Variants in MED1 observed in about 807,000 individuals in gnomAD.
MED1 encodes the protein mediator complex subunit 1.
MED1 carries 17 observed loss-of-function variants against 121.3 expected under a neutral mutation model. The ratio of observed to expected loss-of-function variants is 0.14; its 90% CI spans 0.10 to 0.21. The LOEUF (loss-of-function observed/expected upper bound fraction) is 0.21. Ranked by LOEUF, MED1 falls within the 10% of genes least tolerant of loss-of-function variation. MED1 has a pLI of 1.00. For missense variants in MED1, 1,558 were observed against 1,919.4 expected, an observed-to-expected ratio of 0.81 and a Z score of 3.52; for synonymous variants, 661 against 694.4, an observed-to-expected ratio of 0.95 and a Z score of 0.76.
chr17:39,431,875 T>C (rs2048568002), intron 8 of MED1, 67 bp downstream of exon 8: 2 of 1,107,570 alleles, frequency 1.8e-6, no homozygotes, highest in Non-Finnish European at 1.4e-6. Context: ...ATGTATAAAA[T>C]AGGACCCTAA....
At chr17:39,442,979 A>T (rs2048693626) in intron 3 of MED1, among the ~76,000 whole-genome samples, 1 of 150,130 alleles carries the variant, frequency 6.7e-6, no homozygotes, top group Non-Finnish European at 1.5e-5. Flanking sequence ...AAGGGAAAAA[A>T]AACTTTTCCC....
chr17:39,405,693 C>T lies in MED1; in HGVS notation c.*1782G>A. ...CCACTTTACAATGTTTTGTTTCCTA[C>T]ATCTTATTACCTTGGGACACAAAAG... On this transcript the variant is annotated 3_prime_UTR_variant, in exon 17 of 17. Transcript: ENST00000300651. 2 of 1,000,342 alleles carry T rather than the reference C, an allele frequency of 2.0e-6. No individual in the cohort carries two copies. The highest frequency in any genetic ancestry group is 2.4e-6 in the Non-Finnish European group (2 of 839,394). 62.0% of individuals were successfully genotyped at this position (1,000,342 alleles called of 1,614,324 possible).
chr17:39,450,935 A>G (rs2144782534), intron 1 of MED1, 103 bp downstream of exon 1: 1 of 952,652 alleles, frequency 1.0e-6, no homozygotes, highest in Non-Finnish European at 1.6e-6. Context: ...CCTGGACTCT[A>G]TGCCCCTAAA....
At chr17:39,450,902 TA>T in intron 1 of MED1, 135 bp downstream of exon 1, 2 of 692,388 alleles carry the variant, frequency 2.9e-6, no homozygotes, top group South Asian at 2.1e-5. Flanking sequence ...AGTGACAATC[TA>T]AAACTAATAC....
At chr17:39,424,572 A>C in intron 11 of MED1, 55 bp downstream of exon 11, 2 of 1,182,872 alleles carry the variant, frequency 1.7e-6, no homozygotes, top group Non-Finnish European at 2.5e-6. Flanking sequence ...AACTTGTTAC[A>C]TACTGCGCTT....
intron 7 of MED1, among the ~76,000 whole-genome samples, chr17:39,433,699 A>G (rs1301361727): frequency 6.6e-6 from 1 of 151,836 alleles, no homozygotes; most frequent in African/African-American, 2.4e-5. Context: ...GACTACATGC[A>G]CCCATCACCA....
intron 16 of MED1, among the ~76,000 whole-genome samples, chr17:39,412,961 T>A (rs868658092): frequency 6.6e-6 from 1 of 152,194 alleles, no homozygotes; most frequent in Non-Finnish European, 1.5e-5. Context: ...AGTGTTCCAA[T>A]AAAATTTATT....
At chr17:39,420,197 CTTTTTTTT>C (rs751616356) in intron 13 of MED1, among the ~76,000 whole-genome samples, 4 of 132,700 alleles carry the variant, frequency 3.0e-5, no homozygotes, top group Admixed American at 2.3e-4. Context: ...TGCAAAATCT[CTTTTTTTT>C]TTTTTTTTTT....
intron 2 of MED1, among the ~76,000 whole-genome samples, chr17:39,447,402 A>AG (rs1389197098): frequency 6.6e-6 from 1 of 151,614 alleles, no homozygotes; most frequent in Non-Finnish European, 1.5e-5. Context: ...AATAAAAAAA[A>AG]AAAACAAAAA....
intron 11 of MED1, 24 bp from the exon 12 acceptor site, chr17:39,423,845 G>A: frequency 6.3e-7 from 1 of 1,581,582 alleles, no homozygotes; most frequent in South Asian, 1.2e-5. Context: ...AGGGTGGAAG[G>A]GTTGGATTCT....
chr17:39,450,112 C>T (rs1039014525), intron 1 of MED1, among the ~76,000 whole-genome samples: 12 of 102,734 alleles, frequency 1.2e-4, no homozygotes, highest in African/African-American at 2.9e-4. Context: ...CAGTGCCCGG[C>T]AATTTTTTTA....
chr17:39,417,355 G>A (rs561936464), intron 14 of MED1, among the ~76,000 whole-genome samples: 30 of 147,644 alleles, frequency 2.0e-4, no homozygotes, highest in South Asian at 1.9e-3. Context: ...AAGGCCAGGC[G>A]TGGTGGCTCA....
At chr17:39,442,353 T>C (rs896389757) in intron 3 of MED1, among the ~76,000 whole-genome samples, 2 of 151,810 alleles carry the variant, frequency 1.3e-5, no homozygotes, top group African/African-American at 4.8e-5. Context: ...ATCCCAGCAA[T>C]TTGGGAGGCC....
At chr17:39,413,277 T>C (rs2048373785) in intron 16 of MED1, among the ~76,000 whole-genome samples, 1 of 152,106 alleles carries the variant, frequency 6.6e-6, no homozygotes, top group South Asian at 2.1e-4. Context: ...AGTTTGTTTG[T>C]TTTGAGACAG....
chr17:39,439,477 A>C (rs934340622), intron 5 of MED1, among the ~76,000 whole-genome samples: 5 of 152,218 alleles, frequency 3.3e-5, no homozygotes, highest in African/African-American at 9.6e-5. Context: ...CATGGAATTC[A>C]TATCAAATTA....
rs1337997172 is a variant in MED1, at chr17:39,404,336, T to G, written c.*3139A>C. The G allele has an allele frequency of 6.6e-6, 1 of 152,302 alleles. No individual in the cohort carries two copies. The highest frequency in any genetic ancestry group is 2.4e-5 in the African/African-American group (1 of 41,446). The allele number at this position is 152,302 out of a possible 1,614,324, so 9.4% of individuals were successfully genotyped here. Reference sequence around the variant, plus strand: ...GCATGTAAATAAACAGGTTATTTTGTAATGTTTCGGGAAAAAAATCCCACA... The same window carrying G: ...GCATGTAAATAAACAGGTTATTTTGGAATGTTTCGGGAAAAAAATCCCACA... On this transcript the variant is annotated 3_prime_UTR_variant, in exon 17 of 17. Transcript: ENST00000300651.
rs556162060 is a variant in MED1 at position 39,440,575 on chromosome 17, A to G, written c.266+48T>C. On this transcript the variant is annotated intron_variant, in intron 4 of 16. Coordinates refer to ENST00000300651, the MANE Select transcript of MED1 (RefSeq NM_004774.4). The surrounding 1 kb of genome is among the most constrained non-coding windows in gnomAD (Gnocchi z 4.1). ...AGAAGACACATAAATAAAGCCACCCAAAGTTAACACTAAGTTAAACATTTC... is the reference window on the plus strand; with the variant it reads ...AGAAGACACATAAATAAAGCCACCCGAAGTTAACACTAAGTTAAACATTTC... 1.2e-6 allele frequency: 2 copies of G among 1,612,508 alleles called. No homozygotes were observed. The highest frequency in any genetic ancestry group is 2.2e-5 in the East Asian group (1 of 44,864).
At chr17:39,415,193 CAT>C (rs773170414) in intron 15 of MED1, 49 bp downstream of exon 15, 3 of 1,609,258 alleles carry the variant, frequency 1.9e-6, no homozygotes, top group South Asian at 1.1e-5. Flanking sequence ...CCAAAAAAGA[CAT>C]AGGGACCAAA....
At chr17:39,418,085 C>CAAAAAA (rs760116991) in intron 14 of MED1, among the ~76,000 whole-genome samples, 1,108 of 55,520 alleles carry the variant, frequency 0.02, 146 homozygotes, top group Non-Finnish European at 0.027. Flanking sequence ...GACTCCGTCT[C>CAAAAAA]AAAAAAAAAA....
Sources: allele counts gnomAD v4.1 joint callset (sites outside exome capture counted in the v4.1 genomes callset), GRCh38; gene constraint gnomAD v4.1.1; non-coding constraint Gnocchi (gnomAD v3.1); transcripts MANE v1.5; gene names NCBI Gene and HGNC (gene_info 2026-07-23, HGNC 2026-07-21).